The following TRPC5 variants were observed in gnomAD, a reference collection of about 807,000 sequenced individuals.
TRPC5 encodes short transient receptor potential channel 5.
TRPC5 carries 9 observed loss-of-function variants against 56.5 expected under a neutral mutation model. That is an observed-to-expected ratio of 0.16 (90% CI 0.10 to 0.28). The LOEUF (loss-of-function observed/expected upper bound fraction) is 0.28, where lower values mean the gene tolerates loss of function less well. Among genes scored for constraint, TRPC5 ranks in the 10% least tolerant of loss-of-function variants. The pLI is 1.00. For missense variants in TRPC5, 469 were observed against 748.9 expected (o/e 0.63, Z 4.36); for synonymous variants, 282 against 278.5 (o/e 1.01, Z -0.13).
intron 1 of TRPC5, among the ~76,000 whole-genome samples, chrX:112,035,011 G>T (rs1602404046): frequency 9.8e-6 from 1 of 102,172 alleles, no homozygotes. Context: ...CTAGCTTTGG[G>T]TTTGCTTTAT....
intron 7 of TRPC5, among the ~76,000 whole-genome samples, chrX:111,825,761 C>A (rs1471243049): frequency 8.9e-6 from 1 of 111,740 alleles, no homozygotes; most frequent in Admixed American, 9.5e-5. Flanking sequence ...GGAGCTTGAG[C>A]CAAGACGGGG....
intron 1 of TRPC5, among the ~76,000 whole-genome samples, chrX:111,990,366 C>T (rs756217010): frequency 7.3e-5 from 8 of 110,187 alleles, no homozygotes; most frequent in East Asian, 2.9e-4. Context: ...TGCAGTGAGC[C>T]GAGATCACAC....
chrX:112,053,333 G>A (rs1227635791), intron 1 of TRPC5, among the ~76,000 whole-genome samples: 1 of 111,615 alleles, frequency 9.0e-6, no homozygotes, highest in African/African-American at 3.3e-5. Flanking sequence ...CTAGCTATGT[G>A]ACTTCGATAT....
At chrX:111,957,563 G>C (rs1927269355) in intron 1 of TRPC5, among the ~76,000 whole-genome samples, 1 of 111,848 alleles carries the variant, frequency 8.9e-6, no homozygotes, top group African/African-American at 3.2e-5. Context: ...CACGCAGCTA[G>C]TAAGTGGTGG....
chrX:112,005,484 A>AT (rs1928815014), intron 1 of TRPC5, among the ~76,000 whole-genome samples: 1 of 105,692 alleles, frequency 9.5e-6, no homozygotes, highest in African/African-American at 3.6e-5. Flanking sequence ...AAAAAAAAAT[A>AT]TCTTACCAAC....
intron 1 of TRPC5, among the ~76,000 whole-genome samples, chrX:112,066,115 C>T (rs1930577002): frequency 1.9e-5 from 2 of 105,819 alleles, no homozygotes; most frequent in Admixed American, 2.1e-4. Flanking sequence ...ACTTCTCCTT[C>T]AAGTCCCAGC....
At chrX:112,030,363 A>G (rs1929556148) in intron 1 of TRPC5, among the ~76,000 whole-genome samples, 1 of 112,409 alleles carries the variant, frequency 8.9e-6, no homozygotes, top group African/African-American at 3.2e-5. Context: ...GTCCATAGCT[A>G]GTAAGTGAGA....
intron 1 of TRPC5, among the ~76,000 whole-genome samples, chrX:112,001,121 A>G (rs1334883747): frequency 8.9e-6 from 1 of 112,289 alleles, no homozygotes; most frequent in Non-Finnish European, 1.9e-5. Flanking sequence ...TTTCAGGCCA[A>G]AAAACTTTGA....
intron 3 of TRPC5, among the ~76,000 whole-genome samples, chrX:111,898,854 G>A (rs1013557741): frequency 3.6e-5 from 4 of 109,882 alleles, no homozygotes; most frequent in African/African-American, 6.6e-5. Flanking sequence ...AGAATGACAC[G>A]AAATCATTCC....
intron 3 of TRPC5, chrX:111,903,929 CATTTT>C (rs1204842268): frequency 8.9e-6 from 1 of 112,068 alleles, no homozygotes; most frequent in African/African-American, 3.2e-5. Context: ...TGATCTAAAC[CATTTT>C]ATTGTTTTCT....
At chrX:111,943,889 G>A (rs756502731) in intron 2 of TRPC5, among the ~76,000 whole-genome samples, 18 of 112,256 alleles carry the variant, frequency 1.6e-4, no homozygotes, top group Non-Finnish European at 2.8e-4. Context: ...CTTGTGAGGA[G>A]TACCGTTTGC....
intron 1 of TRPC5, among the ~76,000 whole-genome samples, chrX:112,035,812 T>G: frequency 9.2e-6 from 1 of 108,306 alleles, no homozygotes; most frequent in Admixed American, 1.0e-4. Context: ...TTTGTATGTT[T>G]AGGAGAGACG....
intron 1 of TRPC5, among the ~76,000 whole-genome samples, chrX:112,045,116 T>C: frequency 8.9e-6 from 1 of 112,223 alleles, no homozygotes; most frequent in Middle Eastern, 4.6e-3. Flanking sequence ...TTACCTCACA[T>C]GGCAAAGAGA....
intron 6 of TRPC5, among the ~76,000 whole-genome samples, chrX:111,843,948 CAG>C (rs773080357): frequency 1.4e-5 from 1 of 73,827 alleles, no homozygotes; most frequent in Admixed American, 1.5e-4. Flanking sequence ...GAGAGAGAGA[CAG>C]AGAGAGAAAG....
At chrX:111,940,060 T>C (rs770732509) in intron 2 of TRPC5, among the ~76,000 whole-genome samples, 1 of 111,988 alleles carries the variant, frequency 8.9e-6, no homozygotes, top group South Asian at 3.7e-4. Flanking sequence ...CCTTGTATCC[T>C]ATAAATTTTG....
At chrX:112,056,337 G>T (rs1930340901) in intron 1 of TRPC5, among the ~76,000 whole-genome samples, 1 of 112,080 alleles carries the variant, frequency 8.9e-6, no homozygotes, top group African/African-American at 3.2e-5. Flanking sequence ...GAATTACTGG[G>T]ATACATGTTT....
At position 112,020,565 on chromosome X, in the gene TRPC5, G is replaced by T. The variant is rs1602395469; in HGVS notation, c.-22+61314C>A. ...TGAATGTAAAAAACACACACAGTTT[G>T]TTTCTCCAGTGTTGACAGTACATTA... On this transcript the variant is annotated intron_variant, in intron 1 of 10. Transcript: ENST00000262839. Among the ~76,000 whole-genome samples, 6 of 112,120 alleles carry T rather than the reference G, an allele frequency of 5.4e-5. No individual in the cohort carries two copies. The South Asian group carries it at 2.2e-3, about 42-fold the overall frequency.
chrX:111,984,552 G>C (rs1217057873), intron 1 of TRPC5, among the ~76,000 whole-genome samples: 2 of 111,874 alleles, frequency 1.8e-5, no homozygotes, highest in Non-Finnish European at 3.8e-5. Context: ...AAATTTTACT[G>C]AGGTGGAAGG....
rs1367332315 is a variant in TRPC5 at position 111,771,895 on chromosome X, T to C, written c.*4418A>G. On this transcript the variant is annotated 3_prime_UTR_variant, in exon 11 of 11. Coordinates refer to ENST00000262839, the MANE Select transcript of TRPC5 (RefSeq NM_012471.3). ...AATTCCTCACAGCTCAGGAAATGTC[T>C]CATTGAAAAGTTATTCTTGCTTCCC... 1.8e-5 allele frequency among the ~76,000 whole-genome samples: 2 copies of C among 110,642 alleles called. No homozygotes were observed. Among genetic ancestry groups the C allele is most frequent in the Non-Finnish European group, 1.9e-5 (1 of 52,929 alleles).
Sources: allele counts gnomAD v4.1 joint callset (sites outside exome capture counted in the v4.1 genomes callset), GRCh38; gene constraint gnomAD v4.1.1; transcripts MANE v1.5; gene names NCBI Gene and HGNC (gene_info 2026-07-23, HGNC 2026-07-21).